The following GFOD1 variants were observed in gnomAD, a reference collection of about 807,000 sequenced individuals.
The protein encoded by GFOD1 is glucose-fructose oxidoreductase domain-containing protein 1.
Under a neutral mutation model 25.4 loss-of-function variants are expected in GFOD1, and 9 were observed. The observed-to-expected ratio is 0.35, with a 90% CI of 0.21 to 0.62. The LOEUF (loss-of-function observed/expected upper bound fraction) is 0.62. GFOD1 is among the 20% of genes least tolerant of loss of function. The probability of loss-of-function intolerance (pLI) is 0.72; values close to 1 mark genes in which losing one functional copy is unlikely to be tolerated. For synonymous variants in GFOD1, 253 were observed against 245.6 expected, an observed-to-expected ratio of 1.03 and a Z score of -0.28; for missense variants, 403 against 556.9, an observed-to-expected ratio of 0.72 and a Z score of 2.78.
At chr6:13,468,439 C>CA (rs1758415954) in intron 1 of GFOD1, among the ~76,000 whole-genome samples, 1 of 152,188 alleles carries the variant, frequency 6.6e-6, no homozygotes, top group South Asian at 2.1e-4. Context: ...AATAAGGCTT[C>CA]ACTGAACACT....
rs34431944 is a variant in GFOD1, at chr6:13,447,740, CAAAAAAAAAAAA to C, written c.253+38886_253+38897del. On this transcript the variant is annotated intron_variant, in intron 1 of 1. Transcript: ENST00000379287. ...TGGGTGACAGAGCGAGACTCCTTCT[CAAAAAAAAAAAA>C]AAAAAAAAAAAAAAAAAAAGAGTTT... Among the ~76,000 whole-genome samples, 45 of 31,918 alleles carry C rather than the reference CAAAAAAAAAAAA, an allele frequency of 1.4e-3. 1 individual carries two copies. In the East Asian group the frequency reaches 0.029, roughly 20 times the overall value. The allele number at this position is 31,918 out of a possible 152,430, so 20.9% of individuals were successfully genotyped here. A position where few individuals can be genotyped will look rare whatever the true frequency, so the allele number is the denominator to read the frequency against.
chr6:13,468,801 CT>C (rs1433382124), intron 1 of GFOD1, among the ~76,000 whole-genome samples: 5 of 152,126 alleles, frequency 3.3e-5, no homozygotes, highest in East Asian at 3.8e-4. Flanking sequence ...CAAGGCCCCC[CT>C]GACCAATCCC....
intron 1 of GFOD1, among the ~76,000 whole-genome samples, chr6:13,421,398 G>A (rs148797440): frequency 2.6e-5 from 4 of 152,104 alleles, no homozygotes; most frequent in Non-Finnish European, 5.9e-5. Context: ...GGAGGCTGAG[G>A]TTGGAAGACC....
At position 13,362,398 on chromosome 6, in the gene GFOD1, G is replaced by A. The variant is rs1455871422; in HGVS notation, c.*2345C>T. 1 of 150,522 alleles carries A rather than the reference G, an allele frequency of 6.6e-6. No individual in the cohort carries two copies. The highest frequency in any genetic ancestry group is 6.7e-5 in the Admixed American group (1 of 14,958). The allele number at this position is 150,522 out of a possible 1,614,324, so 9.3% of individuals were successfully genotyped here. ...AATCGCTTGAACCTGGGAGGCAGAG[G>A]TTGCAGTGAGCTGAGATCACACCAC... On this transcript the variant is annotated 3_prime_UTR_variant, in exon 2 of 2. Coordinates refer to ENST00000379287, the MANE Select transcript of GFOD1 (RefSeq NM_018988.4).
In GFOD1 at chr6:13,364,825, A is replaced by T. The variant is rs759474733; in HGVS notation, c.1091T>A (p.Ile364Asn). 5 of 1,613,972 alleles carry T rather than the reference A, an allele frequency of 3.1e-6. No individual in the cohort carries two copies. The South Asian group carries it at 5.5e-5, about 18-fold the overall frequency. ...GCTCAGCTCCGGCTCCTCGGTCATG[A>T]TGGCAATGTTCTGCCACTCGCCCGT... Reference protein sequence around the residue: ...SQTGEWQNIAIMTEEPELSPA... With the variant: ...SQTGEWQNIANMTEEPELSPA... The change falls in exon 2 of 2, where the codon ATC becomes AAC. Residue 364 changes from isoleucine to asparagine, a missense_variant. By Grantham distance (149) the Ile-to-Asn change is moderately radical. Coordinates refer to ENST00000379287, the MANE Select transcript of GFOD1 (RefSeq NM_018988.4). This position sits in a 1 kb window ranked among gnomAD's most constrained non-coding sequence, Gnocchi z 4.1.
chr6:13,390,084 C>G (rs1419411595), intron 1 of GFOD1, among the ~76,000 whole-genome samples: 1 of 152,156 alleles, frequency 6.6e-6, no homozygotes, highest in African/African-American at 2.4e-5. Flanking sequence ...GGACATCCCC[C>G]CTGAGGACCC....
chr6:13,376,173 T>C (rs1057077559), intron 1 of GFOD1, among the ~76,000 whole-genome samples: 1 of 152,088 alleles, frequency 6.6e-6, no homozygotes, highest in Non-Finnish European at 1.5e-5. Context: ...CAGTGGCACA[T>C]ACAGACCAGA....
At chr6:13,424,421 A>G (rs1014850710) in intron 1 of GFOD1, among the ~76,000 whole-genome samples, 15 of 152,242 alleles carry the variant, frequency 9.9e-5, no homozygotes, top group African/African-American at 3.6e-4. Flanking sequence ...CAGAGAAGCC[A>G]TATTTCAAGG....
intron 1 of GFOD1, among the ~76,000 whole-genome samples, chr6:13,479,678 G>C (rs990702218): frequency 6.6e-6 from 1 of 152,130 alleles, no homozygotes; most frequent in Non-Finnish European, 1.5e-5. Flanking sequence ...CTGCAGAATT[G>C]CACATTATCA....
At chr6:13,476,443 G>A (rs940085307) in intron 1 of GFOD1, among the ~76,000 whole-genome samples, 2 of 152,226 alleles carry the variant, frequency 1.3e-5, no homozygotes, top group African/African-American at 2.4e-5. Flanking sequence ...CCAGAAGTGG[G>A]AGTGAGGATT....
chr6:13,470,256 G>A, intron 1 of GFOD1: 1 of 1,595,442 alleles, frequency 6.3e-7, no homozygotes, highest in Non-Finnish European at 8.6e-7. Flanking sequence ...GGCTCATGAA[G>A]CACATCCCTC....
chr6:13,382,495 C>T (rs1157622079), intron 1 of GFOD1, among the ~76,000 whole-genome samples: 1 of 152,124 alleles, frequency 6.6e-6, no homozygotes, highest in East Asian at 1.9e-4. Flanking sequence ...CACCTTCCAC[C>T]GTGATTGTGA....
chr6:13,377,014 A>G (rs1451911551), intron 1 of GFOD1, among the ~76,000 whole-genome samples: 2 of 149,290 alleles, frequency 1.3e-5, no homozygotes, highest in Non-Finnish European at 2.9e-5. Context: ...TACCCAGCAG[A>G]TATGTTTTTT....
At chr6:13,381,986 G>A (rs1259457956) in intron 1 of GFOD1, among the ~76,000 whole-genome samples, 1 of 150,800 alleles carries the variant, frequency 6.6e-6, no homozygotes, top group African/African-American at 2.4e-5. Context: ...CTACCACCAA[G>A]TACCTGCGAA....
chr6:13,486,257 C>CCCCCCCCCCCCCCCA (rs1554207083), intron 1 of GFOD1: 3 of 276,726 alleles, frequency 1.1e-5, no homozygotes, highest in African/African-American at 8.8e-5. Context: ...TCCCCCCCCC[C>CCCCCCCCCCCCCCCA]CACACACACA....
chr6:13,437,303 A>G (rs983641732), intron 1 of GFOD1, among the ~76,000 whole-genome samples: 1 of 152,112 alleles, frequency 6.6e-6, no homozygotes, highest in Non-Finnish European at 1.5e-5. Flanking sequence ...CCTTTCTCTA[A>G]CCACAGCAAA....
intron 1 of GFOD1, among the ~76,000 whole-genome samples, chr6:13,419,799 C>T (rs908651821): frequency 3.3e-5 from 5 of 152,188 alleles, no homozygotes; most frequent in Admixed American, 2.0e-4. Flanking sequence ...ACCTGCTGTC[C>T]GTAAATGTTC....
chr6:13,471,408 C>A (rs79922522), intron 1 of GFOD1, among the ~76,000 whole-genome samples: 5,569 of 152,204 alleles, frequency 0.037, 335 homozygotes, highest in African/African-American at 0.12. Flanking sequence ...GCCCTGGCAT[C>A]ACCCCACCCA....
rs1400081154 is a variant in GFOD1, at chr6:13,430,912, AC to A, written c.253+55725del. Among the ~76,000 whole-genome samples, 11 of 152,058 alleles carry A rather than the reference AC, an allele frequency of 7.2e-5. No individual in the cohort carries two copies. The highest frequency in any genetic ancestry group is 2.7e-4 in the African/African-American group (11 of 41,390). On this transcript the variant is annotated intron_variant, in intron 1 of 1. Transcript: ENST00000379287. The surrounding 1 kb of genome is among the most constrained non-coding windows in gnomAD (Gnocchi z 4.1). ...CAGGTAACCTTCTCCTGCCCTCTCT[AC>A]AGTCCAGCCATCATACGAATGCCTT...
Sources: allele counts gnomAD v4.1 joint callset (sites outside exome capture counted in the v4.1 genomes callset), GRCh38; gene constraint gnomAD v4.1.1; non-coding constraint Gnocchi (gnomAD v3.1); transcripts MANE v1.5; gene names NCBI Gene and HGNC (gene_info 2026-07-23, HGNC 2026-07-21).